The following PIEZO2 variants were observed in gnomAD, a reference collection of about 807,000 sequenced individuals.
PIEZO2 encodes piezo-type mechanosensitive ion channel component 2.
PIEZO2 carries 172 observed loss-of-function variants against 337.3 expected under a neutral mutation model. That is an observed-to-expected ratio of 0.51 (90% CI 0.45 to 0.58). The LOEUF (loss-of-function observed/expected upper bound fraction) is 0.58. Ranked by LOEUF, PIEZO2 falls within the 20% of genes least tolerant of loss-of-function variation. The pLI is 0.00. For missense variants in PIEZO2, 3,028 were observed against 3,391.3 expected, an observed-to-expected ratio of 0.89 and a Z score of 2.66; for synonymous variants, 1,251 against 1,228.5, an observed-to-expected ratio of 1.02 and a Z score of -0.38.
chr18:10,762,559 T>G lies in PIEZO2; in HGVS notation c.3190A>C (p.Ile1064Leu). ...LNKSLLYSAP[I>L]DPTEWVGLRK... ...AGGCCGACCCACTCTGTAGGATCGA[T>G]AGGAGCGCTGTAGAGCAGAGACTTG... Residue 1064 changes from isoleucine (I) to leucine (L), a missense_variant, in exon 23 of 56, where the codon ATC becomes CTC. Coordinates refer to ENST00000674853, the MANE Select transcript of PIEZO2 (RefSeq NM_001378183.1). 1 of 1,537,348 alleles carries G rather than the reference T, an allele frequency of 6.5e-7. No homozygotes were observed. The highest frequency in any genetic ancestry group is 8.7e-7 in the Non-Finnish European group (1 of 1,146,914).
chr18:10,723,304 A>G (rs1293264418), intron 36 of PIEZO2, among the ~76,000 whole-genome samples: 1 of 152,096 alleles, frequency 6.6e-6, no homozygotes, highest in Non-Finnish European at 1.5e-5. Context: ...GGTGCTGATC[A>G]ATATGAAGGT....
rs1018938317 is a variant in PIEZO2 at position 10,689,894 on chromosome 18, T to C, written c.7350-92A>G. ...AGCTCAAGCAGTTCCTTAACTGCTT[T>C]AACCTCATGACTCAGAAACAATTCT... On this transcript the variant is annotated intron_variant, in intron 48 of 55. Transcript: ENST00000674853. The C allele has an allele frequency of 7.7e-6, 11 of 1,421,842 alleles. No individual in the cohort carries two copies. In the African/African-American group the frequency reaches 1.4e-4, roughly 19 times the overall value. The allele number at this position is 1,421,842 out of a possible 1,614,324, so 88.1% of individuals were successfully genotyped here. A position where few individuals can be genotyped will look rare whatever the true frequency, so the allele number is the denominator to read the frequency against.
intron 33 of PIEZO2, chr18:10,740,736 C>T: frequency 5.5e-6 from 3 of 548,298 alleles, no homozygotes; most frequent in Non-Finnish European, 6.5e-6. Context: ...ATATAATATT[C>T]AATTCTTCTT....
At position 10,773,503 on chromosome 18, in the gene PIEZO2, T is replaced by C. The variant is rs2038677301; in HGVS notation, c.2694A>G (p.Lys898=). ...CTTTCCCAAGATCACCCTTCTGGGC[T>C]TTTTCAGAGTAGCCCTCAAGCTTCT... ...GEEKLEGYSE[K]AQKGDLGKDS... Residue 898 remains lysine (K), a synonymous_variant, in exon 20 of 56, where the codon AAA becomes AAG. Transcript: ENST00000674853. The surrounding 1 kb of genome is among the most constrained non-coding windows in gnomAD (Gnocchi z 5.3). The C allele has an allele frequency of 6.5e-7, 1 of 1,537,330 alleles. No individual in the cohort carries two copies.
intron 21 of PIEZO2, 88 bp downstream of exon 21, chr18:10,770,060 A>G (rs1243800399): frequency 7.2e-7 from 1 of 1,381,018 alleles, no homozygotes; most frequent in African/African-American, 1.5e-5. Context: ...TGCGGATCAC[A>G]TTAAAAAAAT....
chr18:11,011,547 G>A (rs1476656820), intron 2 of PIEZO2, among the ~76,000 whole-genome samples: 1 of 151,960 alleles, frequency 6.6e-6, no homozygotes, highest in African/African-American at 2.4e-5. Context: ...TTAAAATGCT[G>A]GATAATATTG....
At chr18:10,852,216 G>A (rs2041573734) in intron 7 of PIEZO2, among the ~76,000 whole-genome samples, 1 of 152,298 alleles carries the variant, frequency 6.6e-6, no homozygotes, top group Admixed American at 6.5e-5. Context: ...CTATTAAAGA[G>A]GCTCCCCAGT....
intron 16 of PIEZO2, 120 bp downstream of exon 16, chr18:10,786,916 T>C (rs2039243333): frequency 3.0e-6 from 3 of 996,328 alleles, no homozygotes; most frequent in Non-Finnish European, 2.9e-6. Context: ...ATTTCTATTA[T>C]TGAGGAACTT....
At position 10,672,989 on chromosome 18, in the gene PIEZO2, G is replaced by T; in HGVS notation, c.8162-116C>A. On this transcript the variant is annotated intron_variant, in intron 54 of 55. Coordinates refer to ENST00000674853, the MANE Select transcript of PIEZO2 (RefSeq NM_001378183.1). The surrounding 1 kb of genome is among the most constrained non-coding windows in gnomAD (Gnocchi z 4.7). ...TAACTATAGCATAAGGTTCTAGGAT[G>T]AAAAGGATGCATGGACATACTAGAA... 2 of 813,076 alleles carry T rather than the reference G, an allele frequency of 2.5e-6. No homozygotes were observed. Among genetic ancestry groups the T allele is most frequent in the Non-Finnish European group, 3.8e-6 (2 of 521,280 alleles). The allele number at this position is 813,076 out of a possible 1,614,324, so 50.4% of individuals were successfully genotyped here. A position where few individuals can be genotyped will look rare whatever the true frequency, so the allele number is the denominator to read the frequency against.
Position 10,974,588 on chromosome 18 carries a change from G to A in PIEZO2, c.286+4947C>T, listed in dbSNP as rs2034366382. 2.6e-5 allele frequency among the ~76,000 whole-genome samples: 4 copies of A among 152,158 alleles called. No homozygotes were observed. The South Asian group carries it at 8.3e-4, about 32-fold the overall frequency. ...GTGGAGGAAACAATCTTACACACACGATGAATAAAGAGCTCCGTAAAGATG... is the reference window on the plus strand; with the variant it reads ...GTGGAGGAAACAATCTTACACACACAATGAATAAAGAGCTCCGTAAAGATG... On this transcript the variant is annotated intron_variant, in intron 3 of 55. Coordinates refer to ENST00000674853, the MANE Select transcript of PIEZO2 (RefSeq NM_001378183.1).
chr18:10,965,970 T>C (rs1473215384), intron 3 of PIEZO2, among the ~76,000 whole-genome samples: 1 of 152,214 alleles, frequency 6.6e-6, no homozygotes. Context: ...TAATGTCTGG[T>C]ACAGATTCCC....
chr18:11,076,010 T>C (rs1293675378), intron 1 of PIEZO2, among the ~76,000 whole-genome samples: 3 of 152,036 alleles, frequency 2.0e-5, no homozygotes, highest in Non-Finnish European at 2.9e-5. Flanking sequence ...ATGGCCTGGA[T>C]CTCCTGACCT....
rs1252973980 is a variant in PIEZO2 at position 11,080,583 on chromosome 18, C to T, written c.65-14361G>A. Among the ~76,000 whole-genome samples the T allele has an allele frequency of 2.6e-5, 4 of 152,250 alleles. No individual in the cohort carries two copies. The highest frequency in any genetic ancestry group is 6.5e-5 in the Admixed American group (1 of 15,290). On this transcript the variant is annotated intron_variant, in intron 1 of 55. Transcript: ENST00000674853. The surrounding 1 kb of genome is among the most constrained non-coding windows in gnomAD (Gnocchi z 5.4). ...GGCATCAGGCCAGGTGCGGGGCTCA[C>T]GCCTATAATCCCAGCACTTTGGGAG...
chr18:10,730,838 T>C (rs1036882646), intron 36 of PIEZO2, among the ~76,000 whole-genome samples: 3 of 152,136 alleles, frequency 2.0e-5, no homozygotes, highest in Admixed American at 6.5e-5. Context: ...GCCGTTCTCC[T>C]GCCTCAGCCT....
At position 10,713,950 on chromosome 18, in the gene PIEZO2, C is replaced by T. The variant is rs532736246; in HGVS notation, c.5423+814G>A. 1.6e-4 allele frequency among the ~76,000 whole-genome samples: 24 copies of T among 152,258 alleles called. No individual in the cohort carries two copies. The highest frequency in any genetic ancestry group is 2.9e-4 in the Non-Finnish European group (20 of 68,026). On this transcript the variant is annotated intron_variant, in intron 39 of 55. Transcript: ENST00000674853. This position sits in a 1 kb window ranked among gnomAD's most constrained non-coding sequence, Gnocchi z 4.5. ...TGATGCAAAGAATTCTGAGGCTTTT[C>T]TGGGACAGGCAGTAAGTTGGTCTGC...
chr18:11,054,399 T>C (rs926182226), intron 2 of PIEZO2, among the ~76,000 whole-genome samples: 6 of 152,226 alleles, frequency 3.9e-5, no homozygotes, highest in African/African-American at 1.4e-4. Context: ...ATTATGAAGA[T>C]TGACATAAGC....
chr18:10,951,159 T>A (rs2145314436), intron 3 of PIEZO2, among the ~76,000 whole-genome samples: 1 of 152,354 alleles, frequency 6.6e-6, no homozygotes, highest in African/African-American at 2.4e-5. Context: ...ATGACTAATT[T>A]TACCCACTGC....
At position 11,035,031 on chromosome 18, in the gene PIEZO2, A is replaced by C. The variant is rs1021927859; in HGVS notation, c.160+31096T>G. 1.3e-5 allele frequency among the ~76,000 whole-genome samples: 2 copies of C among 152,192 alleles called. No homozygotes were observed. The highest frequency in any genetic ancestry group is 2.9e-5 in the Non-Finnish European group (2 of 68,026). ...CAAGGTCTTCTCAGCCTGCAGAGCA[A>C]AGCAGAAGCAACCCCAGTTCCCAAA... is the stretch of plus-strand genomic sequence containing the variant. On this transcript the variant is annotated intron_variant, in intron 2 of 55. Transcript: ENST00000674853. This position sits in a 1 kb window ranked among gnomAD's most constrained non-coding sequence, Gnocchi z 4.3.
intron 47 of PIEZO2, 120 bp from the exon 48 acceptor site, chr18:10,691,503 C>T (rs376205800): frequency 2.2e-5 from 22 of 1,020,594 alleles, no homozygotes; most frequent in African/African-American, 2.1e-4. Flanking sequence ...CAACTCAATT[C>T]TAATGAACTG....
Sources: allele counts gnomAD v4.1 joint callset (sites outside exome capture counted in the v4.1 genomes callset), GRCh38; gene constraint gnomAD v4.1.1; non-coding constraint Gnocchi (gnomAD v3.1); transcripts MANE v1.5; gene names NCBI Gene and HGNC (gene_info 2026-07-23, HGNC 2026-07-21).